Variants in MCPH1 observed in about 807,000 individuals in gnomAD.
MCPH1 encodes the protein microcephalin.
A neutral mutation model predicts 84.5 loss-of-function variants in MCPH1; 104 were observed. The observed-to-expected ratio is 1.23, with a 90% CI of 1.05 to 1.45. The LOEUF (loss-of-function observed/expected upper bound fraction) is 1.45. Ranked by LOEUF, MCPH1 falls within the 40% of genes most tolerant of loss-of-function variation. MCPH1 has a pLI of 0.00. For synonymous variants in MCPH1, 514 were observed against 366.8 expected, an observed-to-expected ratio of 1.40 and a Z score of -4.58; for missense variants, 1,498 against 1,005.7, an observed-to-expected ratio of 1.49 and a Z score of -6.62.
intron 12 of MCPH1, among the ~76,000 whole-genome samples, chr8:6,517,414 G>T (rs545870380): frequency 6.6e-6 from 1 of 152,234 alleles, no homozygotes; most frequent in East Asian, 1.9e-4. Flanking sequence ...GGAAGGAAAT[G>T]ACCATACATG....
intron 12 of MCPH1, among the ~76,000 whole-genome samples, chr8:6,555,267 G>T (rs1824391238): frequency 6.6e-6 from 1 of 152,092 alleles, no homozygotes; most frequent in African/African-American, 2.4e-5. Context: ...CTCTAATAGT[G>T]GGAAGAGAAG....
At chr8:6,600,526 T>A (rs967829623) in intron 12 of MCPH1, among the ~76,000 whole-genome samples, 1 of 152,212 alleles carries the variant, frequency 6.6e-6, no homozygotes, top group Non-Finnish European at 1.5e-5. Context: ...TACAGCAGAG[T>A]CTGAGTGTCT....
intron 12 of MCPH1, among the ~76,000 whole-genome samples, chr8:6,546,247 C>G (rs1822559261): frequency 6.6e-6 from 1 of 152,232 alleles, no homozygotes; most frequent in Admixed American, 6.5e-5. Flanking sequence ...GGGAGACAGT[C>G]TGAATATTCA....
intron 8 of MCPH1, chr8:6,446,890 G>A (rs969230682): frequency 1.0e-6 from 1 of 985,242 alleles, no homozygotes; most frequent in Non-Finnish European, 1.2e-6. Context: ...CCCCTGCGTC[G>A]ACAGCCTCCG....
rs1434560068 is a variant in MCPH1 at position 6,646,628 on chromosome 8, G to C, written c.*3579G>C. On this transcript the variant is annotated 3_prime_UTR_variant, in exon 14 of 14. Transcript: ENST00000344683. ...ATATCAGGGTTTCTCAACATCAGCAGTGTTGGCGTTTGCTGGGGTGGATAA... is the reference window on the plus strand; with the variant it reads ...ATATCAGGGTTTCTCAACATCAGCACTGTTGGCGTTTGCTGGGGTGGATAA... 6.6e-6 allele frequency: 1 copy of C among 152,354 alleles called. No homozygotes were observed. The highest frequency in any genetic ancestry group is 6.5e-5 in the Admixed American group (1 of 15,304). The allele number at this position is 152,354 out of a possible 1,614,324, so 9.4% of individuals were successfully genotyped here.
rs533958279 is a variant in MCPH1 at position 6,493,042 on chromosome 8, T to A, written c.2137-6810T>A. ...TGTGTTGGTAATAATTTCTGCTGTG[T>A]TTTCATACAGTGAAGTGATGTTTCT... On this transcript the variant is annotated intron_variant, in intron 11 of 13. Transcript: ENST00000344683. 1.0e-3 allele frequency among the ~76,000 whole-genome samples: 155 copies of A among 152,346 alleles called. 2 individuals are homozygous for A. The highest frequency in any genetic ancestry group is 3.7e-3 in the African/African-American group (153 of 41,586).
At chr8:6,516,225 C>G (rs1816238957) in intron 12 of MCPH1, among the ~76,000 whole-genome samples, 1 of 152,196 alleles carries the variant, frequency 6.6e-6, no homozygotes, top group Admixed American at 6.5e-5. Flanking sequence ...CTCTGTATTG[C>G]TATGATTTTT....
At chr8:6,435,961 AG>A in intron 4 of MCPH1, 86 bp from the exon 5 acceptor site, 2 of 1,484,968 alleles carry the variant, frequency 1.3e-6, no homozygotes, top group Non-Finnish European at 1.8e-6. Flanking sequence ...ATGTTATAAA[AG>A]GTATCAGAAA....
At chr8:6,559,017 T>C (rs3020236) in intron 12 of MCPH1, among the ~76,000 whole-genome samples, 20,751 of 152,088 alleles carry the variant, frequency 0.14, 3,938 homozygotes, top group African/African-American at 0.43. Flanking sequence ...CCTTACTATA[T>C]AGTAATACTA....
intron 12 of MCPH1, among the ~76,000 whole-genome samples, chr8:6,605,486 G>C (rs539120501): frequency 6.6e-6 from 1 of 152,132 alleles, no homozygotes; most frequent in Non-Finnish European, 1.5e-5. Context: ...TCATGGAAAC[G>C]AACAATATGT....
At chr8:6,525,251 C>A (rs866876942) in intron 12 of MCPH1, among the ~76,000 whole-genome samples, 6 of 152,124 alleles carry the variant, frequency 3.9e-5, no homozygotes, top group African/African-American at 1.4e-4. Context: ...GCCCCCTGAT[C>A]GTTGTAAATT....
chr8:6,456,373 G>A (rs566978994), intron 9 of MCPH1, among the ~76,000 whole-genome samples: 3 of 152,242 alleles, frequency 2.0e-5, no homozygotes, highest in African/African-American at 7.2e-5. Context: ...TTCCTAGAAC[G>A]CTCGCAACAC....
intron 9 of MCPH1, among the ~76,000 whole-genome samples, chr8:6,467,058 T>A (rs749165330): frequency 5.9e-5 from 9 of 152,230 alleles, no homozygotes; most frequent in African/African-American, 2.2e-4. Context: ...TTAAATACAA[T>A]GACAAAAACT....
chr8:6,626,167 G>A, intron 13 of MCPH1: 1 of 985,248 alleles, frequency 1.0e-6, no homozygotes, highest in Non-Finnish European at 1.2e-6. Flanking sequence ...GCTCTGAGGT[G>A]ACCCTCAGCT....
chr8:6,639,983 C>T (rs1797821496), intron 13 of MCPH1, among the ~76,000 whole-genome samples: 1 of 152,074 alleles, frequency 6.6e-6, no homozygotes, highest in African/African-American at 2.4e-5. Flanking sequence ...AAGCAGTCCT[C>T]CCACCTTAGC....
intron 12 of MCPH1, among the ~76,000 whole-genome samples, chr8:6,552,894 A>G (rs1176873307): frequency 6.6e-6 from 1 of 152,012 alleles, no homozygotes; most frequent in Admixed American, 6.6e-5. Flanking sequence ...CAACTGTATG[A>G]CATTCTGGAA....
intron 12 of MCPH1, among the ~76,000 whole-genome samples, chr8:6,553,080 G>A (rs1368574783): frequency 6.6e-6 from 1 of 152,134 alleles, no homozygotes; most frequent in Non-Finnish European, 1.5e-5. Context: ...TACAGCACCA[G>A]ATGTCAACTG....
intron 12 of MCPH1, among the ~76,000 whole-genome samples, chr8:6,571,633 TA>T (rs1563143102): frequency 1.3e-5 from 2 of 152,172 alleles, no homozygotes; most frequent in African/African-American, 2.4e-5. Flanking sequence ...AAAAATGTCA[TA>T]TGTGCTATTT....
intron 9 of MCPH1, among the ~76,000 whole-genome samples, chr8:6,468,565 C>G (rs1392759819): frequency 2.0e-5 from 3 of 151,320 alleles, no homozygotes; most frequent in Admixed American, 6.6e-5. Flanking sequence ...GATGAAACAT[C>G]TTTTTAATTG....
Sources: allele counts gnomAD v4.1 joint callset (sites outside exome capture counted in the v4.1 genomes callset), GRCh38; gene constraint gnomAD v4.1.1; transcripts MANE v1.5; gene names NCBI Gene and HGNC (gene_info 2026-07-23, HGNC 2026-07-21).